The following CDC27 variants were observed in gnomAD, a reference collection of about 807,000 sequenced individuals.
CDC27 encodes cell division cycle protein 27 homolog.
Under a neutral mutation model 109.7 loss-of-function variants are expected in CDC27, and 27 were observed. That is an observed-to-expected ratio of 0.25 (90% CI 0.18 to 0.34). The LOEUF (loss-of-function observed/expected upper bound fraction) is 0.34. CDC27 is among the 10% of genes least tolerant of loss of function. The probability of loss-of-function intolerance (pLI) is 1.00; values close to 1 mark genes in which losing one functional copy is unlikely to be tolerated. For missense variants in CDC27, 579 were observed against 960.2 expected (o/e 0.60, Z 5.25); for synonymous variants, 266 against 333.9 (o/e 0.80, Z 2.22).
chr17:47,178,856 G>GCAGT (rs1375700919), intron 2 of CDC27, among the ~76,000 whole-genome samples: 1 of 151,990 alleles, frequency 6.6e-6, no homozygotes, highest in Admixed American at 6.5e-5. Context: ...AGGCTGGAGT[G>GCAGT]CAGTGGTGTA....
chr17:47,126,985 G>T (rs182245823), intron 16 of CDC27, among the ~76,000 whole-genome samples: 226 of 152,216 alleles, frequency 1.5e-3, no homozygotes, highest in African/African-American at 5.1e-3. Context: ...GTAGAGACAG[G>T]GTTTCACCAT....
chr17:47,181,706 G>GTTTGCTCTGTGGGCATTGGGGTTTTAT, intron 1 of CDC27, 69 bp from the exon 2 acceptor site: 1 of 755,670 alleles, frequency 1.3e-6, no homozygotes. Flanking sequence ...CTAGCACACA[G>GTTTGCTCTGTGGGCATTGGGGTTTTAT]CCTTACATCA....
intron 8 of CDC27, among the ~76,000 whole-genome samples, chr17:47,152,614 ACT>A (rs2063184578): frequency 6.6e-6 from 1 of 152,156 alleles, no homozygotes; most frequent in South Asian, 2.1e-4. Flanking sequence ...GTATCAGTGC[ACT>A]GTTTTTCCCC....
rs748723120 is a variant in CDC27 at position 47,171,907 on chromosome 17, T to C, written c.251+10A>G. The C allele has an allele frequency of 6.4e-7, 1 of 1,574,424 alleles. No homozygotes were observed. The highest frequency in any genetic ancestry group is 2.3e-5 in the East Asian group (1 of 43,196). ...AAAACAAAATAGCTAGAAAATATTT[T>C]AAAACTTACTTGCTGAGATCAACAC... On this transcript the variant is annotated intron_variant, in intron 3 of 18. Coordinates refer to ENST00000066544, the MANE Select transcript of CDC27 (RefSeq NM_001256.6).
chr17:47,149,695 C>T (rs2063096417), intron 9 of CDC27, among the ~76,000 whole-genome samples: 1 of 152,068 alleles, frequency 6.6e-6, no homozygotes, highest in South Asian at 2.1e-4. Context: ...TAGCTCATGC[C>T]TGTAATCCCA....
At position 47,150,549 on chromosome 17, in the gene CDC27, G is replaced by C. The variant is rs565029200; in HGVS notation, c.1070+1257C>G. Among the ~76,000 whole-genome samples the C allele has an allele frequency of 5.9e-5, 9 of 152,272 alleles. No individual in the cohort carries two copies. In the East Asian group the frequency reaches 1.5e-3, roughly 26 times the overall value. ...AGGCAAGGAAAAATCCTCCTCTAAAGATTTTGGAAGGGGAACAACCCTGCC... is the reference window on the plus strand; with the variant it reads ...AGGCAAGGAAAAATCCTCCTCTAAACATTTTGGAAGGGGAACAACCCTGCC... On this transcript the variant is annotated intron_variant, in intron 9 of 18. Coordinates refer to ENST00000066544, the MANE Select transcript of CDC27 (RefSeq NM_001256.6).
At chr17:47,184,075 G>A (rs950599109) in intron 1 of CDC27, among the ~76,000 whole-genome samples, 1 of 152,188 alleles carries the variant, frequency 6.6e-6, no homozygotes, top group Admixed American at 6.5e-5. Context: ...AAAATGGTGA[G>A]TAGAATGAAG....
chr17:47,147,138 C>T (rs201416822), intron 9 of CDC27, among the ~76,000 whole-genome samples: 11 of 152,222 alleles, frequency 7.2e-5, no homozygotes, highest in Admixed American at 3.9e-4. Context: ...CGGTGGCTCA[C>T]GCCTGTAATC....
chr17:47,188,770 G>A (rs1333696590), intron 1 of CDC27: 7 of 1,112,468 alleles, frequency 6.3e-6, no homozygotes, highest in Non-Finnish European at 7.7e-6. Context: ...CACAAGCTCC[G>A]ATCAAATGTG....
intron 14 of CDC27, among the ~76,000 whole-genome samples, chr17:47,136,172 T>C (rs928383829): frequency 4.0e-5 from 6 of 151,704 alleles, no homozygotes; most frequent in African/African-American, 9.7e-5. Context: ...AAAAAAAAAC[T>C]GAGTTCTTAA....
At chr17:47,133,006 T>TATATATATATATATATAC (rs1276460228) in intron 14 of CDC27, among the ~76,000 whole-genome samples, 3 of 37,470 alleles carry the variant, frequency 8.0e-5, no homozygotes, top group Non-Finnish European at 1.6e-4. Flanking sequence ...TATATATATA[T>TATATATATATATATATAC]ATATATATAT....
At chr17:47,165,795 T>G (rs2063625964) in intron 4 of CDC27, among the ~76,000 whole-genome samples, 1 of 152,228 alleles carries the variant, frequency 6.6e-6, no homozygotes, top group African/African-American at 2.4e-5. Context: ...TACATTTAGA[T>G]CCATGATTCA....
At chr17:47,172,966 T>C (rs1017161590) in intron 2 of CDC27, among the ~76,000 whole-genome samples, 3 of 152,206 alleles carry the variant, frequency 2.0e-5, no homozygotes, top group Non-Finnish European at 2.9e-5. Flanking sequence ...TCAGCATAAC[T>C]TGGAAACTTG....
In CDC27 at chr17:47,157,159, T is replaced by A. The variant is rs774017692; in HGVS notation, c.631-35A>T. 7 of 1,539,050 alleles carry A rather than the reference T, an allele frequency of 4.5e-6. No homozygotes were observed. In the South Asian group the frequency reaches 8.3e-5, roughly 18 times the overall value. Reference sequence around the variant, plus strand: ...AAAATTTCTACCAAGTCATTCACAATATATTATTTAGTTCAGATCATTCTT... The same window carrying A: ...AAAATTTCTACCAAGTCATTCACAAAATATTATTTAGTTCAGATCATTCTT... On this transcript the variant is annotated intron_variant, in intron 6 of 18. Coordinates refer to ENST00000066544, the MANE Select transcript of CDC27 (RefSeq NM_001256.6).
Position 47,128,529 on chromosome 17 carries a change from G to A in CDC27, c.2160+864C>T, listed in dbSNP as rs528005515. On this transcript the variant is annotated intron_variant, in intron 16 of 18. Coordinates refer to ENST00000066544, the MANE Select transcript of CDC27 (RefSeq NM_001256.6). ...ACACATCAGACTAGAACTAGTCTCC[G>A]TGTTATAAGCTCTCATAACTTAATA... Among the ~76,000 whole-genome samples, 4 of 152,122 alleles carry A rather than the reference G, an allele frequency of 2.6e-5. No individual in the cohort carries two copies. The South Asian group carries it at 8.3e-4, about 32-fold the overall frequency.
At chr17:47,124,054 A>G (rs2062055774) in intron 16 of CDC27, 94 bp from the exon 17 acceptor site, 2 of 724,840 alleles carry the variant, frequency 2.8e-6, no homozygotes, top group Non-Finnish European at 4.4e-6. Context: ...TCATCTTCAC[A>G]AAAGCTAACT....
At chr17:47,129,241 T>C (rs1216332658) in intron 16 of CDC27, 152 bp downstream of exon 16, 1 of 612,288 alleles carries the variant, frequency 1.6e-6, no homozygotes, top group Non-Finnish European at 2.8e-6. Flanking sequence ...GAGTATTTCA[T>C]GAAGACATAA....
At chr17:47,167,882 C>T (rs2063695877) in intron 4 of CDC27, among the ~76,000 whole-genome samples, 1 of 152,202 alleles carries the variant, frequency 6.6e-6, no homozygotes, top group Non-Finnish European at 1.5e-5. Context: ...GCCTAAGGAA[C>T]TTCTGATCAA....
At chr17:47,126,114 G>T (rs1598392616) in intron 16 of CDC27, among the ~76,000 whole-genome samples, 2 of 152,068 alleles carry the variant, frequency 1.3e-5, no homozygotes, top group African/African-American at 4.8e-5. Flanking sequence ...CATTAAATAA[G>T]GTGATGGCTA....
Sources: gnomAD v4.1 joint callset for allele counts (sites outside exome capture counted in the v4.1 genomes callset) on GRCh38, gnomAD v4.1.1 for gene constraint, MANE v1.5 for transcripts, NCBI Gene and HGNC (gene_info 2026-07-23, HGNC 2026-07-21) for gene names.